Variants in DNAH6 observed in about 807,000 individuals in gnomAD.
DNAH6 encodes the protein axonemal beta dynein heavy chain 6.
A neutral mutation model predicts 491.4 loss-of-function variants in DNAH6; 340 were observed. That is an observed-to-expected ratio of 0.69 (90% confidence interval 0.63 to 0.76). DNAH6 has a LOEUF of 0.76. Ranked by LOEUF, DNAH6 falls within the 30% of genes least tolerant of loss-of-function variation. The pLI is 0.00. For missense variants in DNAH6, 4,443 were observed against 4,972.2 expected (o/e 0.89, Z 3.20); for synonymous variants, 1,603 against 1,686.1 (o/e 0.95, Z 1.21).
At chr2:84,473,812 T>A in the DNAH6 span, among the ~76,000 whole-genome samples, 1 of 152,228 alleles carries the variant, frequency 6.6e-6, no homozygotes, top group South Asian at 2.1e-4. Flanking sequence ...TAATTAACCC[T>A]GTCATATCTA....
the DNAH6 span, among the ~76,000 whole-genome samples, chr2:84,475,441 CAT>C: frequency 6.6e-5 from 10 of 152,332 alleles, no homozygotes; most frequent in Middle Eastern, 3.4e-3. Flanking sequence ...ACAATGGGGA[CAT>C]ACACTGGGAC....
intron 62 of DNAH6, among the ~76,000 whole-genome samples, chr2:84,735,918 G>T (rs1699502863): frequency 6.6e-6 from 1 of 152,044 alleles, no homozygotes; most frequent in Non-Finnish European, 1.5e-5. Context: ...TTTGCTTTTG[G>T]ACTCTTCATC....
rs900815067 is a variant in DNAH6, at chr2:84,678,750, G to C, written c.6744+1614G>C. On this transcript the variant is annotated intron_variant, in intron 41 of 76. Coordinates refer to ENST00000389394, the MANE Select transcript of DNAH6 (RefSeq NM_001370.2). ...ATAGCTAAAAACTGGCTGTGATAAG[G>C]CTGCTTCTTCCCACTGTAACTTTAC... Among the ~76,000 whole-genome samples, 17 of 152,116 alleles carry C rather than the reference G, an allele frequency of 1.1e-4. 1 individual carries two copies. Among genetic ancestry groups the C allele is most frequent in the Admixed American group, 1.0e-3 (16 of 15,276 alleles).
chr2:84,714,633 T>C (rs968300889), intron 57 of DNAH6, among the ~76,000 whole-genome samples: 3 of 151,972 alleles, frequency 2.0e-5, no homozygotes, highest in African/African-American at 7.2e-5. Flanking sequence ...CTCAAAGACA[T>C]GATAAATGCT....
At chr2:84,669,192 T>A in intron 37 of DNAH6, 97 bp from the exon 38 acceptor site, 5 of 957,146 alleles carry the variant, frequency 5.2e-6, no homozygotes, top group South Asian at 4.6e-5. Context: ...TCCAGTTAGG[T>A]TTTTTGACTG....
chr2:84,777,676 C>T (rs2105206792), intron 64 of DNAH6: 1 of 814,358 alleles, frequency 1.2e-6, no homozygotes, highest in Non-Finnish European at 2.2e-6. Flanking sequence ...CTCCACGTTC[C>T]CCAAGGACCT....
At chr2:84,525,862 T>C in intron 3 of DNAH6, 124 bp downstream of exon 3, 1 of 718,408 alleles carries the variant, frequency 1.4e-6, no homozygotes, top group Non-Finnish European at 2.2e-6. Flanking sequence ...CATAATGAGT[T>C]TGGGAAATAT....
intron 64 of DNAH6, among the ~76,000 whole-genome samples, chr2:84,771,347 C>G (rs1466958997): frequency 6.6e-6 from 1 of 150,922 alleles, no homozygotes; most frequent in East Asian, 1.9e-4. Context: ...ATACCATCAA[C>G]CATACCAACA....
At chr2:84,599,767 C>A (rs1685043751) in intron 18 of DNAH6, among the ~76,000 whole-genome samples, 1 of 152,130 alleles carries the variant, frequency 6.6e-6, no homozygotes, top group Non-Finnish European at 1.5e-5. Context: ...ATTACGATAG[C>A]TAGTAAGTGT....
At chr2:84,688,787 C>A (rs557631813) in intron 45 of DNAH6, among the ~76,000 whole-genome samples, 194 bp downstream of exon 45, 1 of 152,180 alleles carries the variant, frequency 6.6e-6, no homozygotes, top group South Asian at 2.1e-4. Context: ...TATGGAATCC[C>A]CAGAGTCATT....
the DNAH6 span, among the ~76,000 whole-genome samples, chr2:84,470,407 G>A: frequency 6.6e-6 from 1 of 152,192 alleles, no homozygotes. Context: ...AGCCCTGAGA[G>A]CTGCTGGTTG....
chr2:84,525,141 C>G (rs1676491980), intron 2 of DNAH6, among the ~76,000 whole-genome samples: 1 of 151,898 alleles, frequency 6.6e-6, no homozygotes, highest in Non-Finnish European at 1.5e-5. Flanking sequence ...ATAATGCCAC[C>G]TATTTTTTTT....
chr2:84,536,619 GTGAA>G (rs1677714281), intron 4 of DNAH6, among the ~76,000 whole-genome samples: 1 of 151,978 alleles, frequency 6.6e-6, no homozygotes, highest in Non-Finnish European at 1.5e-5. Flanking sequence ...GGTACCTTTG[GTGAA>G]TAATTTCAAG....
chr2:84,634,479 T>C lies in DNAH6; in HGVS notation c.4516-25T>C, dbSNP rs1183175469. The C allele has an allele frequency of 2.0e-6, 3 of 1,511,902 alleles. No homozygotes were observed. In the East Asian group the frequency reaches 7.5e-5, roughly 38 times the overall value. 93.7% of individuals were successfully genotyped at this position (1,511,902 alleles called of 1,614,324 possible). On this transcript the variant is annotated intron_variant, in intron 29 of 76. Transcript: ENST00000389394. ...AGGAGCTGAACTACACAATACAAAGTTGAACTGCTTTATTTTGATTTCAGA... is the reference window on the plus strand; with the variant it reads ...AGGAGCTGAACTACACAATACAAAGCTGAACTGCTTTATTTTGATTTCAGA...
intron 7 of DNAH6, among the ~76,000 whole-genome samples, 175 bp from the exon 8 acceptor site, chr2:84,548,113 A>G (rs1014909789): frequency 1.2e-4 from 19 of 152,194 alleles, no homozygotes; most frequent in Admixed American, 1.3e-4. Context: ...TTGAATTGAA[A>G]TCCTTTGATG....
chr2:84,689,266 A>G (rs185691599), intron 45 of DNAH6, among the ~76,000 whole-genome samples: 16 of 152,336 alleles, frequency 1.1e-4, no homozygotes, highest in Admixed American at 1.0e-3. Context: ...ACCTGGTACA[A>G]CAATCTCTCT....
the DNAH6 span, among the ~76,000 whole-genome samples, chr2:84,483,433 C>T: frequency 1.8e-4 from 27 of 152,128 alleles, no homozygotes; most frequent in Middle Eastern, 3.4e-3. Context: ...AACAGAATGC[C>T]ATAAAGACAG....
At chr2:84,654,023 T>C (rs1690711577) in intron 34 of DNAH6, 149 bp downstream of exon 34, 9 of 662,622 alleles carry the variant, frequency 1.4e-5, no homozygotes, top group Middle Eastern at 4.2e-4. Flanking sequence ...CCTTTTGTAA[T>C]AGATTGACAG....
chr2:84,579,513 T>C lies in DNAH6; in HGVS notation c.2077-14T>C, dbSNP rs542435371. The stretch of plus-strand genomic sequence containing the variant: ...ATTCGACTATTTACAATTCACACGG[T>C]GTTTCTTTCTTAGGTGCTAAATTTT... On this transcript the variant is annotated splice_polypyrimidine_tract_variant and intron_variant, in intron 13 of 76. Transcript: ENST00000389394. 4.0e-5 allele frequency: 65 copies of C among 1,612,750 alleles called. 1 individual carries two copies. The East Asian group carries it at 1.4e-3, about 36-fold the overall frequency.
Sources: allele counts gnomAD v4.1 joint callset (sites outside exome capture counted in the v4.1 genomes callset), GRCh38; gene constraint gnomAD v4.1.1; transcripts MANE v1.5; gene names NCBI Gene and HGNC (gene_info 2026-07-23, HGNC 2026-07-21).